Variants in KCTD1 observed in about 807,000 individuals in gnomAD.
KCTD1 encodes potassium channel tetramerization domain containing 1, also known as BTB/POZ domain-containing protein KCTD1.
In KCTD1, 24 loss-of-function variants were observed where a neutral mutation model predicts 66.0. The observed-to-expected ratio is 0.36, with a 90% CI of 0.26 to 0.51. The LOEUF is 0.51. Among genes scored for constraint, KCTD1 ranks in the 20% least tolerant of loss-of-function variants. KCTD1 has a pLI of 0.95. For synonymous variants in KCTD1, 511 were observed against 517.2 expected (o/e 0.99, Z 0.16); for missense variants, 943 against 1,205.2 (o/e 0.78, Z 3.22).
intron 1 of KCTD1, among the ~76,000 whole-genome samples, chr18:26,604,039 A>G (rs1162354724): frequency 6.6e-6 from 1 of 151,470 alleles, no homozygotes; most frequent in Non-Finnish European, 1.5e-5. Context: ...TCTAGCATCT[A>G]TAAGGAACTT....
At chr18:26,599,572 A>G in intron 1 of KCTD1, 1 of 1,505,546 alleles carries the variant, frequency 6.6e-7, no homozygotes, top group Non-Finnish European at 9.2e-7. Flanking sequence ...CTGCCCACAA[A>G]GAATCCAGCT....
At chr18:26,599,543 A>G in intron 1 of KCTD1, 2 of 1,536,112 alleles carry the variant, frequency 1.3e-6, no homozygotes, top group Admixed American at 1.7e-5. Flanking sequence ...TGTGGAAAAC[A>G]TGAACCAGCT....
At chr18:26,460,646 C>T (rs915356228) in intron 3 of KCTD1, among the ~76,000 whole-genome samples, 12 of 152,188 alleles carry the variant, frequency 7.9e-5, no homozygotes, top group Non-Finnish European at 5.9e-5. Flanking sequence ...AACTTTAGGC[C>T]TCGACTCCTG....
At position 26,653,286 on chromosome 18, in the gene KCTD1, C is replaced by A. The variant is rs965553526; in HGVS notation, c.9+4074G>T. ...CCAGCCAGTTAAGCCCTGAGTTCCT[C>A]CCCCTTTGCTAAGCCTCTCCTGGCT... is the stretch of plus-strand genomic sequence containing the variant. On this transcript the variant is annotated intron_variant, in intron 1 of 4. Transcript: ENST00000580191. 2.0e-5 allele frequency among the ~76,000 whole-genome samples: 3 copies of A among 152,344 alleles called. No homozygotes were observed. The East Asian group carries it at 5.8e-4, about 29-fold the overall frequency.
At chr18:26,535,203 AC>A (rs926605759) in intron 1 of KCTD1, among the ~76,000 whole-genome samples, 103 of 152,172 alleles carry the variant, frequency 6.8e-4, no homozygotes, top group African/African-American at 2.3e-3. Flanking sequence ...TTTGTCAGGC[AC>A]TTTATAGTCA....
intron 1 of KCTD1, among the ~76,000 whole-genome samples, chr18:26,516,204 CAG>C: frequency 6.6e-6 from 1 of 152,030 alleles, no homozygotes. Flanking sequence ...GACAGGAAGA[CAG>C]GGGTGTGTGT....
At position 26,493,581 on chromosome 18, in the gene KCTD1, T is replaced by C. The variant is rs1163541772; in HGVS notation, c.1988+7491A>G. Among the ~76,000 whole-genome samples, 2 of 152,148 alleles carry C rather than the reference T, an allele frequency of 1.3e-5. 1 individual carries two copies. Among genetic ancestry groups the C allele is most frequent in the South Asian group, 4.2e-4 (2 of 4,818 alleles). On this transcript the variant is annotated intron_variant, in intron 2 of 4. Transcript: ENST00000580059. ...TTTTTTGAAAATTTTTGTGTGTACA[T>C]AGTAGGTATATATATTATGGGGTAC...
intron 1 of KCTD1, among the ~76,000 whole-genome samples, chr18:26,606,173 T>C (rs758583291): frequency 9.2e-5 from 14 of 152,208 alleles, no homozygotes; most frequent in African/African-American, 1.4e-4. Context: ...GGTTTTATCA[T>C]GTAGATTAAG....
At chr18:26,499,339 A>G (rs1457651682) in intron 2 of KCTD1, among the ~76,000 whole-genome samples, 1 of 152,236 alleles carries the variant, frequency 6.6e-6, no homozygotes, top group African/African-American at 2.4e-5. Flanking sequence ...CACTACTTAT[A>G]TAACAAAATT....
intron 1 of KCTD1, among the ~76,000 whole-genome samples, chr18:26,514,547 CTCAAAAAAA>C (rs1172942443): frequency 7.4e-5 from 6 of 81,026 alleles, no homozygotes; most frequent in Admixed American, 1.2e-4. Context: ...GAGACCTTGT[CTCAAAAAAA>C]AAAAAAAAAA....
rs751176403 is a variant in KCTD1 at position 26,459,950 on chromosome 18, A to C, written c.2134-25T>G. 5.3e-6 allele frequency: 8 copies of C among 1,517,102 alleles called. No individual in the cohort carries two copies. The Middle Eastern group carries it at 7.0e-4, about 134-fold the overall frequency. 94.0% of individuals were successfully genotyped at this position (1,517,102 alleles called of 1,614,324 possible). ...CCTGGAAAAAAAAAAGGTATTTCAC[A>C]GTGCAAACTGCAAACATAAAGTACT... On this transcript the variant is annotated intron_variant, in intron 3 of 4. Transcript: ENST00000580059.
intron 2 of KCTD1, among the ~76,000 whole-genome samples, 166 bp downstream of exon 2, chr18:26,500,906 C>T (rs1272111176): frequency 2.0e-5 from 3 of 152,176 alleles, no homozygotes; most frequent in Admixed American, 1.3e-4. Flanking sequence ...TCGAAGATGT[C>T]CAGCCATTGT....
At chr18:26,653,106 T>C (rs1158164133) in intron 1 of KCTD1, among the ~76,000 whole-genome samples, 1 of 152,210 alleles carries the variant, frequency 6.6e-6, no homozygotes, top group Non-Finnish European at 1.5e-5. Context: ...TCTGGGTCCC[T>C]CTGACCACTT....
At chr18:26,529,261 C>T (rs1303561033) in intron 1 of KCTD1, among the ~76,000 whole-genome samples, 2 of 152,122 alleles carry the variant, frequency 1.3e-5, no homozygotes, top group African/African-American at 2.4e-5. Context: ...ATCCATGGTC[C>T]GCATCTCCCC....
chr18:26,486,728 C>T (rs1324599128), intron 2 of KCTD1, among the ~76,000 whole-genome samples: 1 of 152,102 alleles, frequency 6.6e-6, no homozygotes, highest in Non-Finnish European at 1.5e-5. Flanking sequence ...TTTTACTGTT[C>T]CAGACTGTTG....
chr18:26,605,019 C>G (rs954329464), intron 1 of KCTD1, among the ~76,000 whole-genome samples: 3 of 152,138 alleles, frequency 2.0e-5, no homozygotes, highest in African/African-American at 7.2e-5. Context: ...CAGAGTATAG[C>G]CTTTATCCTC....
chr18:26,637,193 C>T (rs1987742265), intron 1 of KCTD1, among the ~76,000 whole-genome samples: 1 of 152,334 alleles, frequency 6.6e-6, no homozygotes, highest in Non-Finnish European at 1.5e-5. Flanking sequence ...CCATGCATCT[C>T]CCATATTTTG....
intron 1 of KCTD1, among the ~76,000 whole-genome samples, chr18:26,503,550 C>T (rs1031275012): frequency 1.3e-5 from 2 of 152,032 alleles, no homozygotes; most frequent in Non-Finnish European, 2.9e-5. Flanking sequence ...TACATTTCAG[C>T]CCATCACAGC....
At chr18:26,553,931 T>A (rs1985638165) in intron 1 of KCTD1, among the ~76,000 whole-genome samples, 1 of 149,468 alleles carries the variant, frequency 6.7e-6, no homozygotes. Flanking sequence ...CACTTGACCA[T>A]ATTCAGCCTC....
Sources: gnomAD v4.1 joint callset for allele counts (sites outside exome capture counted in the v4.1 genomes callset) on GRCh38, gnomAD v4.1.1 for gene constraint, MANE v1.5 for transcripts, NCBI Gene and HGNC (gene_info 2026-07-23, HGNC 2026-07-21) for gene names.